ASB13: variants seen among roughly 807,000 people sequenced by gnomAD.
ASB13 encodes ankyrin repeat and SOCS box containing 13.
ASB13 carries 33 observed loss-of-function variants against 28.8 expected under a neutral mutation model. That is an observed-to-expected ratio of 1.15 (90% confidence interval 0.87 to 1.53). The LOEUF (loss-of-function observed/expected upper bound fraction) is 1.53, where lower values mean the gene tolerates loss of function less well. Ranked by LOEUF, ASB13 falls within the 40% of genes most tolerant of loss-of-function variation. The pLI, the probability that ASB13 is intolerant of heterozygous loss-of-function variation, is 0.00. For synonymous variants in ASB13, 182 were observed against 172.9 expected (o/e 1.05, Z -0.41); for missense variants, 414 against 390.1 (o/e 1.06, Z -0.52).
rs1277267755 is a variant in ASB13 at position 5,648,823 on chromosome 10, CG to C, written c.517+146del. 9.6e-6 allele frequency: 14 copies of C among 1,454,516 alleles called. No individual in the cohort carries two copies. The East Asian group carries it at 3.0e-4, about 31-fold the overall frequency. 90.1% of individuals were successfully genotyped at this position (1,454,516 alleles called of 1,614,324 possible). The stretch of plus-strand genomic sequence containing the variant: ...ACACCCACTCCGGTAAACACCCACG[CG>C]GGCAAACATCCACTCCGGTAAACAC... On this transcript the variant is annotated intron_variant, in intron 4 of 5. Transcript: ENST00000357700.
At chr10:5,643,281 T>G (rs1834836796) in intron 4 of ASB13, among the ~76,000 whole-genome samples, 1 of 152,136 alleles carries the variant, frequency 6.6e-6, no homozygotes, top group Non-Finnish European at 1.5e-5. Context: ...AGCTGAGAGG[T>G]GGAACGCTTT....
At chr10:5,662,297 T>A (rs971802352) in intron 1 of ASB13, among the ~76,000 whole-genome samples, 5 of 151,872 alleles carry the variant, frequency 3.3e-5, no homozygotes, top group Non-Finnish European at 5.9e-5. Flanking sequence ...GGCAGGCGGA[T>A]CACCTGAGGT....
In ASB13 at chr10:5,642,771, C is replaced by T. The variant is rs776418210; in HGVS notation, c.518-810G>A. Among the ~76,000 whole-genome samples the T allele has an allele frequency of 5.9e-5, 9 of 151,854 alleles. No homozygotes were observed. The highest frequency in any genetic ancestry group is 1.0e-4 in the Non-Finnish European group (7 of 67,960). ...AAGCGATTCTCCTGCCTCAGCCTCC[C>T]GAGTTGCTGGGATGACAGGTGTGCC... On this transcript the variant is annotated intron_variant, in intron 4 of 5. Coordinates refer to ENST00000357700, the MANE Select transcript of ASB13 (RefSeq NM_024701.4). The surrounding 1 kb of genome is among the most constrained non-coding windows in gnomAD (Gnocchi z 4.1).
At position 5,658,093 on chromosome 10, in the gene ASB13, G is replaced by A. The variant is rs1042215371; in HGVS notation, c.44-5043C>T. ...GAATCGCATGAACCCAGGAGACAGA[G>A]GTTGCAGTGAACTGAGATCACACCA... On this transcript the variant is annotated intron_variant, in intron 1 of 5. Coordinates refer to ENST00000357700, the MANE Select transcript of ASB13 (RefSeq NM_024701.4). The surrounding 1 kb of genome is among the most constrained non-coding windows in gnomAD (Gnocchi z 4.2). Among the ~76,000 whole-genome samples, 5 of 152,168 alleles carry A rather than the reference G, an allele frequency of 3.3e-5. No homozygotes were observed. The highest frequency in any genetic ancestry group is 7.3e-5 in the Non-Finnish European group (5 of 68,036).
chr10:5,641,774 G>C lies in ASB13; in HGVS notation c.705C>G (p.Tyr235Ter). The C allele has an allele frequency of 6.3e-7, 1 of 1,585,952 alleles. No homozygotes were observed. Among genetic ancestry groups the C allele is most frequent in the African/African-American group, 1.3e-5 (1 of 74,748 alleles). The change falls in exon 5 of 6, where the codon TAC becomes TAG. Residue 235 changes from tyrosine (Y) to a stop codon, truncating the protein, a stop_gained. Coordinates refer to ENST00000357700, the MANE Select transcript of ASB13 (RefSeq NM_024701.4). LOFTEE classifies it high-confidence loss of function. This position sits in a 1 kb window ranked among gnomAD's most constrained non-coding sequence, Gnocchi z 8.4. ...GCGCTCGGTGGGGTGTCTCACTTTC[G>C]TAGTACTCGAAGCACTTGGCGGGAG... ...SSAPAKCFEYYEKTPLTLSQL... is the reference protein window; with the variant it reads ...SSAPAKCFEY
rs973568435 is a variant in ASB13, at chr10:5,649,173, G to C, written c.383-69C>G. 1 of 1,593,352 alleles carries C rather than the reference G, an allele frequency of 6.3e-7. No homozygotes were observed. The highest frequency in any genetic ancestry group is 1.1e-5 in the South Asian group (1 of 89,892). On this transcript the variant is annotated intron_variant, in intron 3 of 5. Coordinates refer to ENST00000357700, the MANE Select transcript of ASB13 (RefSeq NM_024701.4). This position sits in a 1 kb window ranked among gnomAD's most constrained non-coding sequence, Gnocchi z 6.4. ...CACTGGAGACAACAAGCACACAGAC[G>C]CGGCAGGGGCAGCAGCCTCCATCCT...
At chr10:5,647,682 C>T (rs1433264625) in intron 4 of ASB13, among the ~76,000 whole-genome samples, 3 of 152,186 alleles carry the variant, frequency 2.0e-5, no homozygotes, top group African/African-American at 7.2e-5. Context: ...ACACACCAGG[C>T]ACCGGGGAAA....
rs541970703 is a variant in ASB13, at chr10:5,658,499, C to G, written c.44-5449G>C. On this transcript the variant is annotated intron_variant, in intron 1 of 5. Coordinates refer to ENST00000357700, the MANE Select transcript of ASB13 (RefSeq NM_024701.4). This position sits in a 1 kb window ranked among gnomAD's most constrained non-coding sequence, Gnocchi z 4.2. ...GTATGATTCCACTTATGTGAGGTCC[C>G]TCGAGTAGTCAAATTCATGGAGATG... 3.9e-5 allele frequency among the ~76,000 whole-genome samples: 6 copies of G among 151,934 alleles called. No homozygotes were observed. In the East Asian group the frequency reaches 1.2e-3, roughly 29 times the overall value.
Position 5,660,103 on chromosome 10 carries a change from T to C in ASB13, c.43+6406A>G, listed in dbSNP as rs1187663403. Among the ~76,000 whole-genome samples, 1 of 152,154 alleles carries C rather than the reference T, an allele frequency of 6.6e-6. No homozygotes were observed. The highest frequency in any genetic ancestry group is 1.5e-5 in the Non-Finnish European group (1 of 68,010). On this transcript the variant is annotated intron_variant, in intron 1 of 5. Transcript: ENST00000357700. This position sits in a 1 kb window ranked among gnomAD's most constrained non-coding sequence, Gnocchi z 6.1. ...GGGTCACGGTGTTACACACTATGGC[T>C]CCTCCTGTTTACCTGCCGCCTGCAG... is the stretch of plus-strand genomic sequence containing the variant.
intron 4 of ASB13, among the ~76,000 whole-genome samples, chr10:5,643,186 TA>T (rs1834836002): frequency 6.6e-6 from 1 of 152,112 alleles, no homozygotes; most frequent in Non-Finnish European, 1.5e-5. Context: ...ACCACAAACA[TA>T]AAGTATTATC....
Position 5,651,146 on chromosome 10 carries a change from C to A in ASB13, c.382+67G>T. ...CTACTCTGCTTCCTTCCCTAAGTCC[C>A]TTTAATCCCAGAAAGGAGGAAACTT... On this transcript the variant is annotated intron_variant, in intron 3 of 5. Transcript: ENST00000357700. The surrounding 1 kb of genome is among the most constrained non-coding windows in gnomAD (Gnocchi z 5.1). 1 of 1,523,438 alleles carries A rather than the reference C, an allele frequency of 6.6e-7. No homozygotes were observed. The highest frequency in any genetic ancestry group is 8.8e-7 in the Non-Finnish European group (1 of 1,133,594). 94.4% of individuals were successfully genotyped at this position (1,523,438 alleles called of 1,614,324 possible). A position where few individuals can be genotyped will look rare whatever the true frequency, so the allele number is the denominator to read the frequency against.
At chr10:5,654,055 C>G (rs1487373701) in intron 1 of ASB13, among the ~76,000 whole-genome samples, 1 of 151,612 alleles carries the variant, frequency 6.6e-6, no homozygotes, top group African/African-American at 2.4e-5. Context: ...GGGGTGAGAG[C>G]CAACATCCTT....
chr10:5,642,607 T>C lies in ASB13; in HGVS notation c.518-646A>G. ...TTTTTTTTAAAAAAAAGAGCAGACA[T>C]TCAGAAAGATGCAAGGAATTAGTAG... On this transcript the variant is annotated intron_variant, in intron 4 of 5. Transcript: ENST00000357700. This position sits in a 1 kb window ranked among gnomAD's most constrained non-coding sequence, Gnocchi z 4.1. 1.1e-6 allele frequency: 1 copy of C among 887,674 alleles called. No individual in the cohort carries two copies. The highest frequency in any genetic ancestry group is 1.5e-6 in the Non-Finnish European group (1 of 654,898). The allele number at this position is 887,674 out of a possible 1,614,324, so 55.0% of individuals were successfully genotyped here.
chr10:5,657,407 G>A (rs1835089588), intron 1 of ASB13, among the ~76,000 whole-genome samples: 1 of 149,884 alleles, frequency 6.7e-6, no homozygotes, highest in South Asian at 2.2e-4. Flanking sequence ...GATGCACACA[G>A]CCACAAACAT....
chr10:5,640,659 C>A lies in ASB13; in HGVS notation c.*44G>T. On this transcript the variant is annotated 3_prime_UTR_variant, in exon 6 of 6. Transcript: ENST00000357700. ...AGGCAGAGCCCTCACCCGGGCAATG[C>A]TGGGCACAACGGGGGCAGCCACGGT... 1 of 1,612,248 alleles carries A rather than the reference C, an allele frequency of 6.2e-7. No individual in the cohort carries two copies. The highest frequency in any genetic ancestry group is 1.1e-5 in the South Asian group (1 of 90,942).
chr10:5,657,795 G>A (rs1309248676), intron 1 of ASB13, among the ~76,000 whole-genome samples: 1 of 152,204 alleles, frequency 6.6e-6, no homozygotes, highest in East Asian at 1.9e-4. Flanking sequence ...GGGAATGAAG[G>A]AAATCCTGTC....
Position 5,641,843 on chromosome 10 carries a change from G to A in ASB13, c.636C>T (p.Asp212=), listed in dbSNP as rs143338473. Residue 212 remains aspartate (D), a synonymous_variant, in exon 5 of 6, where the codon GAC becomes GAT. Coordinates refer to ENST00000357700, the MANE Select transcript of ASB13 (RefSeq NM_024701.4). This position sits in a 1 kb window ranked among gnomAD's most constrained non-coding sequence, Gnocchi z 8.4. ...IEFGGNIYAR[D]NRGKKPSDYT... is the part of the protein sequence containing the mutation. ...AGTCAGACGGCTTCTTCCCGCGGTT[G>A]TCCCGGGCGTAGATGTTGCCGCCAA... The A allele has an allele frequency of 4.4e-4, 713 of 1,613,840 alleles. 11 individuals are homozygous for A. The East Asian group carries it at 0.012, about 28-fold the overall frequency.
In ASB13 at chr10:5,652,400, C is replaced by T. The variant is rs959590476; in HGVS notation, c.231+463G>A. On this transcript the variant is annotated intron_variant, in intron 2 of 5. Coordinates refer to ENST00000357700, the MANE Select transcript of ASB13 (RefSeq NM_024701.4). The surrounding 1 kb of genome is among the most constrained non-coding windows in gnomAD (Gnocchi z 5.0). ...GCCAGGAATTCTGCTGACCAGAAAC[C>T]CCCGGTGGCTTAATACTAGCCAGGG... is the stretch of plus-strand genomic sequence containing the variant. Among the ~76,000 whole-genome samples the T allele has an allele frequency of 1.3e-5, 2 of 152,222 alleles. No individual in the cohort carries two copies. The highest frequency in any genetic ancestry group is 1.5e-5 in the Non-Finnish European group (1 of 68,038).
At chr10:5,653,893 G>A (rs1835030846) in intron 1 of ASB13, among the ~76,000 whole-genome samples, 1 of 152,082 alleles carries the variant, frequency 6.6e-6, no homozygotes, top group Non-Finnish European at 1.5e-5. Context: ...TACTGGCCAG[G>A]ATGGTCTCAA....
Sources: allele counts gnomAD v4.1 joint callset (sites outside exome capture counted in the v4.1 genomes callset), GRCh38; gene constraint gnomAD v4.1.1; non-coding constraint Gnocchi (gnomAD v3.1); transcripts MANE v1.5; gene names NCBI Gene and HGNC (gene_info 2026-07-23, HGNC 2026-07-21).